The following ZNF528 variants were observed in gnomAD, a reference collection of about 807,000 sequenced individuals.
ZNF528 encodes zinc finger protein 528.
A neutral mutation model predicts 13.3 loss-of-function variants in ZNF528; 9 were observed. The observed-to-expected ratio is 0.67, with a 90% confidence interval of 0.41 to 1.18. ZNF528 has a LOEUF of 1.18. Among genes scored for constraint, ZNF528 ranks in the 50% most tolerant of loss-of-function variants. The probability of loss-of-function intolerance (pLI) is 0.01; values close to 1 mark genes in which losing one functional copy is unlikely to be tolerated. For missense variants in ZNF528, 858 were observed against 745.4 expected, an observed-to-expected ratio of 1.15 and a Z score of -1.76; for synonymous variants, 264 against 254.3, an observed-to-expected ratio of 1.04 and a Z score of -0.36.
Position 52,415,105 on chromosome 19 carries a change from T to C in ZNF528, c.272-19T>C. The C allele has an allele frequency of 1.2e-6, 2 of 1,609,916 alleles. No individual in the cohort carries two copies. Among genetic ancestry groups the C allele is most frequent in the East Asian group, 4.5e-5 (2 of 44,836 alleles). On this transcript the variant is annotated intron_variant, in intron 6 of 6. Coordinates refer to ENST00000360465, the MANE Select transcript of ZNF528 (RefSeq NM_032423.3). Reference sequence around the variant, plus strand: ...CCATTATCATGGGTTGAAGTTCCACTTTTTTCTTTCTGTTTTAGAGAGGAG... The same window carrying C: ...CCATTATCATGGGTTGAAGTTCCACCTTTTTCTTTCTGTTTTAGAGAGGAG...
intron 6 of ZNF528, chr19:52,413,063 A>G (rs1041294684): frequency 6.6e-6 from 1 of 152,190 alleles, no homozygotes; most frequent in African/African-American, 2.4e-5. Flanking sequence ...TGCCTCTTGT[A>G]ATCTCGCAAG....
chr19:52,400,759 C>G (rs2058784584), intron 2 of ZNF528, among the ~76,000 whole-genome samples: 1 of 151,978 alleles, frequency 6.6e-6, no homozygotes, highest in African/African-American at 2.4e-5. Flanking sequence ...CTCCTGACTT[C>G]TAGCCATCCT....
At position 52,416,811 on chromosome 19, in the gene ZNF528, C is replaced by T. The variant is rs149791403; in HGVS notation, c.*72C>T. 15 of 1,428,304 alleles carry T rather than the reference C, an allele frequency of 1.1e-5. No homozygotes were observed. The African/African-American group carries it at 2.1e-4, about 20-fold the overall frequency. 88.5% of individuals were successfully genotyped at this position (1,428,304 alleles called of 1,614,324 possible). ...ATTAATCAACATCAGTGAGTCCATA[C>T]TAAGTGGAAATCATATAAATGAAAT... On this transcript the variant is annotated 3_prime_UTR_variant, in exon 7 of 7. Coordinates refer to ENST00000360465, the MANE Select transcript of ZNF528 (RefSeq NM_032423.3).
intron 2 of ZNF528, among the ~76,000 whole-genome samples, 168 bp from the exon 3 acceptor site, chr19:52,401,517 C>T (rs539605965): frequency 5.6e-4 from 86 of 152,286 alleles, no homozygotes; most frequent in Admixed American, 2.7e-3. Flanking sequence ...TCTCTGACCT[C>T]ATCTCCTGCC....
At chr19:52,407,887 A>AT (rs1323589085) in intron 6 of ZNF528, among the ~76,000 whole-genome samples, 2 of 151,668 alleles carry the variant, frequency 1.3e-5, no homozygotes, top group African/African-American at 4.8e-5. Flanking sequence ...TAATTTTTGT[A>AT]TTTTTAGTAG....
At chr19:52,401,266 C>G (rs1433218027) in intron 2 of ZNF528, among the ~76,000 whole-genome samples, 1 of 152,170 alleles carries the variant, frequency 6.6e-6, no homozygotes, top group Non-Finnish European at 1.5e-5. Flanking sequence ...CAGACATGTT[C>G]TCCCTACAGT....
chr19:52,406,064 T>C (rs1453919194), intron 5 of ZNF528, 31 bp downstream of exon 5: 1 of 1,596,566 alleles, frequency 6.3e-7, no homozygotes, highest in South Asian at 1.1e-5. Flanking sequence ...GAAGCCGGGA[T>C]CTGCCCTGGT....
At chr19:52,414,972 C>CT (rs2058980482) in intron 6 of ZNF528, 152 bp from the exon 7 acceptor site, 1 of 1,537,788 alleles carries the variant, frequency 6.5e-7, no homozygotes, top group Non-Finnish European at 8.7e-7. Flanking sequence ...ACCTCAGTTC[C>CT]TTGTGTTTTC....
At position 52,418,086 on chromosome 19, in the gene ZNF528, G is replaced by A. The variant is rs1389036241; in HGVS notation, c.*1347G>A. 6.6e-6 allele frequency: 1 copy of A among 152,416 alleles called. No homozygotes were observed. The highest frequency in any genetic ancestry group is 1.9e-4 in the East Asian group (1 of 5,192). The allele number at this position is 152,416 out of a possible 1,614,324, so 9.4% of individuals were successfully genotyped here. A position where few individuals can be genotyped will look rare whatever the true frequency, so the allele number is the denominator to read the frequency against. On this transcript the variant is annotated 3_prime_UTR_variant, in exon 7 of 7. Coordinates refer to ENST00000360465, the MANE Select transcript of ZNF528 (RefSeq NM_032423.3). ...TGCAACCTCCGCCTCCCGGGTTCAA[G>A]CAATTCTCCTGCCTCAGCCTCCCAA...
In ZNF528 at chr19:52,398,182, C is replaced by T. The variant is rs768727237; in HGVS notation, c.-389-185C>T. 4.6e-5 allele frequency among the ~76,000 whole-genome samples: 7 copies of T among 152,254 alleles called. No homozygotes were observed. In the South Asian group the frequency reaches 1.2e-3, roughly 27 times the overall value. On this transcript the variant is annotated intron_variant, in intron 1 of 6. Coordinates refer to ENST00000360465, the MANE Select transcript of ZNF528 (RefSeq NM_032423.3). ...TCCTTTAGTAACCCCTACACACGCC[C>T]CGCACCACGTAAAATCCTCACTCTC...
intron 2 of ZNF528, among the ~76,000 whole-genome samples, chr19:52,401,301 CCTT>C (rs1239144987): frequency 6.6e-6 from 1 of 152,162 alleles, no homozygotes; most frequent in Non-Finnish European, 1.5e-5. Context: ...ATGACAGACA[CCTT>C]CTACTTTCTG....
intron 6 of ZNF528, chr19:52,413,134 T>G (rs1005332588): frequency 1.2e-4 from 19 of 152,176 alleles, no homozygotes; most frequent in African/African-American, 3.9e-4. Flanking sequence ...GTACTAGGAC[T>G]CCCTCATCTG....
At position 52,415,642 on chromosome 19, in the gene ZNF528, A is replaced by G. The variant is rs144012664; in HGVS notation, c.790A>G (p.Thr264Ala). ...CCTTTCACAACATCAAAGAATTCAT[A>G]CTGGAGAGAAGCCTTACAAATGTCA... is the stretch of plus-strand genomic sequence containing the variant. ...SNLSQHQRIH[T>A]GEKPYKCHEC... Residue 264 changes from threonine to alanine, a missense_variant, in exon 7 of 7, where the codon ACT becomes GCT. Coordinates refer to ENST00000360465, the MANE Select transcript of ZNF528 (RefSeq NM_032423.3). The G allele has an allele frequency of 1.5e-5, 25 of 1,614,090 alleles. No homozygotes were observed. The highest frequency in any genetic ancestry group is 2.1e-5 in the Non-Finnish European group (25 of 1,180,042).
chr19:52,407,817 C>T (rs34370287), intron 6 of ZNF528, among the ~76,000 whole-genome samples: 56,102 of 151,962 alleles, frequency 0.37, 12,766 homozygotes, highest in Non-Finnish European at 0.51. Context: ...TTAATTTCAA[C>T]GTTACATGCC....
intron 4 of ZNF528, among the ~76,000 whole-genome samples, chr19:52,403,372 A>G (rs1386714283): frequency 6.6e-6 from 1 of 152,162 alleles, no homozygotes; most frequent in Non-Finnish European, 1.5e-5. Flanking sequence ...TATGTAAAAA[A>G]TAGGTCACTG....
intron 6 of ZNF528, chr19:52,414,236 C>A (rs1225691954): frequency 2.8e-6 from 2 of 702,588 alleles, no homozygotes; most frequent in Admixed American, 4.0e-5. Context: ...TCTTTGTTCA[C>A]GTCCTCAAAG....
intron 6 of ZNF528, among the ~76,000 whole-genome samples, chr19:52,410,013 C>A (rs142854927): frequency 6.9e-4 from 105 of 152,242 alleles, no homozygotes; most frequent in African/African-American, 2.4e-3. Flanking sequence ...CCATGCCCAG[C>A]CAGGTCTCTA....
At chr19:52,401,600 A>C in intron 2 of ZNF528, 85 bp from the exon 3 acceptor site, 1 of 1,137,308 alleles carries the variant, frequency 8.8e-7, no homozygotes, top group Non-Finnish European at 1.1e-6. Flanking sequence ...TGTATTTTTA[A>C]AATAAGTGCT....
chr19:52,407,691 G>A (rs55866917), intron 6 of ZNF528, among the ~76,000 whole-genome samples: 3 of 152,002 alleles, frequency 2.0e-5, no homozygotes, highest in Non-Finnish European at 4.4e-5. Flanking sequence ...CAGGAGAATC[G>A]CTTGAACCTA....
Sources: allele counts gnomAD v4.1 joint callset (sites outside exome capture counted in the v4.1 genomes callset), GRCh38; gene constraint gnomAD v4.1.1; transcripts MANE v1.5; gene names NCBI Gene and HGNC (gene_info 2026-07-23, HGNC 2026-07-21).